SOX5: variants seen among roughly 807,000 people sequenced by gnomAD.
SOX5 encodes the protein transcription factor SOX-5.
In SOX5, 9 loss-of-function variants were observed where a neutral mutation model predicts 92.0. The ratio of observed to expected loss-of-function variants is 0.10; its 90% CI spans 0.06 to 0.17. SOX5 has a LOEUF of 0.17. SOX5 is among the 10% of genes least tolerant of loss of function. The pLI is 1.00. For missense variants in SOX5, 642 were observed against 944.5 expected (o/e 0.68, Z 4.20); for synonymous variants, 344 against 336.3 (o/e 1.02, Z -0.25).
chr12:24,447,530 G>A (rs538388121), intron 1 of SOX5, among the ~76,000 whole-genome samples: 3 of 151,530 alleles, frequency 2.0e-5, no homozygotes, highest in Non-Finnish European at 2.9e-5. Flanking sequence ...ATGACACTAC[G>A]GAAAAAAAAC....
At chr12:24,184,958 T>C (rs1955867341) in intron 4 of SOX5, among the ~76,000 whole-genome samples, 1 of 152,156 alleles carries the variant, frequency 6.6e-6, no homozygotes, top group African/African-American at 2.4e-5. Flanking sequence ...TTAATTCAGT[T>C]AGTCAATCAA....
chr12:24,090,393 G>A (rs1436622666), intron 4 of SOX5, among the ~76,000 whole-genome samples: 1 of 152,026 alleles, frequency 6.6e-6, no homozygotes. Flanking sequence ...ATTATAAAGT[G>A]CTCTTTCTTA....
At chr12:24,228,326 A>G (rs1387816034) in intron 3 of SOX5, among the ~76,000 whole-genome samples, 1 of 152,254 alleles carries the variant, frequency 6.6e-6, no homozygotes, top group African/African-American at 2.4e-5. Flanking sequence ...GGTTAAAAAA[A>G]TATCTGGTTT....
chr12:24,099,831 T>C (rs1307651724), intron 4 of SOX5, among the ~76,000 whole-genome samples: 1 of 152,144 alleles, frequency 6.6e-6, no homozygotes, highest in Non-Finnish European at 1.5e-5. Flanking sequence ...CAACAAATGG[T>C]GCTGATGGGA....
intron 4 of SOX5, among the ~76,000 whole-genome samples, chr12:23,957,347 A>C (rs1196778342): frequency 6.6e-6 from 1 of 152,206 alleles, no homozygotes; most frequent in Non-Finnish European, 1.5e-5. Context: ...GATTCTGAAA[A>C]AATTTCGTGC....
chr12:23,993,896 T>C (rs147740893), intron 4 of SOX5, among the ~76,000 whole-genome samples: 2,682 of 150,540 alleles, frequency 0.018, 32 homozygotes, highest in Non-Finnish European at 0.028. Flanking sequence ...TGTATGTATG[T>C]ATGTATGTAT....
intron 4 of SOX5, among the ~76,000 whole-genome samples, chr12:24,193,298 A>G (rs1956704328): frequency 6.6e-6 from 1 of 152,230 alleles, no homozygotes; most frequent in Admixed American, 6.5e-5. Context: ...GGAATCCTTA[A>G]TGACTACAAA....
chr12:23,923,547 TAG>T (rs1939078283), intron 1 of SOX5, among the ~76,000 whole-genome samples: 1 of 152,142 alleles, frequency 6.6e-6, no homozygotes, highest in Non-Finnish European at 1.5e-5. Context: ...GCAGGCAACT[TAG>T]AGTTATCACA....
intron 1 of SOX5, among the ~76,000 whole-genome samples, chr12:23,947,557 A>G (rs1944797303): frequency 6.6e-6 from 1 of 151,946 alleles, no homozygotes; most frequent in Admixed American, 6.6e-5. Context: ...CCACAGGGGA[A>G]ATTATTAAGG....
At chr12:24,430,843 G>T (rs1213749596) in intron 1 of SOX5, among the ~76,000 whole-genome samples, 1 of 152,054 alleles carries the variant, frequency 6.6e-6, no homozygotes, top group African/African-American at 2.4e-5. Context: ...AGTAGAGACG[G>T]TTCTGCCACC....
At chr12:24,155,769 G>A (rs913558230) in intron 4 of SOX5, among the ~76,000 whole-genome samples, 7 of 152,116 alleles carry the variant, frequency 4.6e-5, no homozygotes, top group African/African-American at 1.7e-4. Flanking sequence ...TTTTAATTGG[G>A]TATGGAGAGA....
At chr12:23,610,532 A>G (rs2075822218) in intron 8 of SOX5, among the ~76,000 whole-genome samples, 1 of 152,164 alleles carries the variant, frequency 6.6e-6, no homozygotes. Flanking sequence ...AAATGCAGAA[A>G]ATGACTATGT....
chr12:24,514,408 C>T (rs184566612), intron 1 of SOX5, among the ~76,000 whole-genome samples: 4 of 152,066 alleles, frequency 2.6e-5, no homozygotes, highest in African/African-American at 9.7e-5. Context: ...CCATTAACAC[C>T]GACCCACTAA....
intron 4 of SOX5, among the ~76,000 whole-genome samples, chr12:24,084,003 G>C (rs1218855231): frequency 6.6e-6 from 1 of 152,002 alleles, no homozygotes; most frequent in Non-Finnish European, 1.5e-5. Context: ...GAGAAGGAAT[G>C]AGAGTCTGGT....
chr12:24,322,113 G>A (rs1278232385), intron 2 of SOX5, among the ~76,000 whole-genome samples: 1 of 152,096 alleles, frequency 6.6e-6, no homozygotes, highest in Admixed American at 6.5e-5. Flanking sequence ...AAACAGCAGT[G>A]AGATCAAATT....
At chr12:24,280,527 A>C (rs1375926441) in intron 2 of SOX5, among the ~76,000 whole-genome samples, 6 of 152,184 alleles carry the variant, frequency 3.9e-5, no homozygotes, top group Non-Finnish European at 7.4e-5. Context: ...TGATTGAAAA[A>C]AACTGGATAA....
At chr12:23,675,545 A>C (rs1467351546) in intron 6 of SOX5, among the ~76,000 whole-genome samples, 1 of 152,214 alleles carries the variant, frequency 6.6e-6, no homozygotes, top group Non-Finnish European at 1.5e-5. Flanking sequence ...CACACAGAGA[A>C]AGTCAACTGA....
At chr12:23,877,086 A>G (rs1377682972) in intron 2 of SOX5, among the ~76,000 whole-genome samples, 1 of 152,178 alleles carries the variant, frequency 6.6e-6, no homozygotes, top group Admixed American at 6.5e-5. Flanking sequence ...GCACCTGTAT[A>G]CCTATGTAAC....
At chr12:23,903,419 T>TA (rs995052471) in intron 1 of SOX5, among the ~76,000 whole-genome samples, 2 of 151,982 alleles carry the variant, frequency 1.3e-5, no homozygotes, top group Admixed American at 6.6e-5. Flanking sequence ...TCCATTTCTA[T>TA]AAAAAAATTT....
Sources: allele counts gnomAD v4.1 joint callset (sites outside exome capture counted in the v4.1 genomes callset), GRCh38; gene constraint gnomAD v4.1.1; transcripts MANE v1.5; gene names NCBI Gene and HGNC (gene_info 2026-07-23, HGNC 2026-07-21).